LYST: variants seen among roughly 807,000 people sequenced by gnomAD.
LYST encodes lysosomal trafficking regulator, also known as lysosomal-trafficking regulator.
In LYST, 192 loss-of-function variants were observed where a neutral mutation model predicts 413.6. That is an observed-to-expected ratio of 0.46 (90% CI 0.41 to 0.52). The LOEUF (loss-of-function observed/expected upper bound fraction) is 0.52. Among genes scored for constraint, LYST ranks in the 20% least tolerant of loss-of-function variants. LYST has a pLI of 0.00. For missense variants in LYST, 3,815 were observed against 4,499.9 expected (o/e 0.85, Z 4.35); for synonymous variants, 1,525 against 1,567.3 (o/e 0.97, Z 0.64).
chr1:235,801,847 T>C (rs1672264156), intron 8 of LYST, among the ~76,000 whole-genome samples: 1 of 152,114 alleles, frequency 6.6e-6, no homozygotes, highest in Non-Finnish European at 1.5e-5. Flanking sequence ...TCCCATTCAC[T>C]AGATGAGAGC....
chr1:235,758,927 AT>A, intron 23 of LYST, 44 bp downstream of exon 23: 1 of 1,591,776 alleles, frequency 6.3e-7, no homozygotes, highest in Non-Finnish European at 8.6e-7. Context: ...TCTTTAAAGA[AT>A]AGTAAAATAA....
chr1:235,875,469 T>A (rs1485598207), intron 1 of LYST, among the ~76,000 whole-genome samples: 9 of 152,198 alleles, frequency 5.9e-5, no homozygotes, highest in Admixed American at 5.9e-4. Context: ...AACACAATAT[T>A]CTGACTCTCC....
intron 30 of LYST, among the ~76,000 whole-genome samples, chr1:235,743,542 A>G (rs149211580): frequency 4.0e-4 from 61 of 152,304 alleles, no homozygotes; most frequent in African/African-American, 1.4e-3. Context: ...ATGAACCCTG[A>G]CACTTATCAG....
Position 235,702,777 on chromosome 1 carries a change from G to A in LYST, c.10344C>T (p.Thr3448=). The change falls in exon 45 of 53, where the codon ACC becomes ACT. Residue 3448 remains threonine, a synonymous_variant. Coordinates refer to ENST00000389793, the MANE Select transcript of LYST (RefSeq NM_000081.4). The part of the protein sequence containing the change: ...GLLVQFAFRE[T]REQVKEITYP... ...AGGTGATTTCTTTGACCTGTTCTCGGGTCTCCCTGAAAGCAAACTGCACTA... is the reference window on the plus strand; with the variant it reads ...AGGTGATTTCTTTGACCTGTTCTCGAGTCTCCCTGAAAGCAAACTGCACTA... 1 of 1,614,050 alleles carries A rather than the reference G, an allele frequency of 6.2e-7. No individual in the cohort carries two copies.
chr1:235,783,211 A>G (rs148524904), intron 14 of LYST, among the ~76,000 whole-genome samples: 8 of 152,314 alleles, frequency 5.3e-5, no homozygotes, highest in African/African-American at 1.9e-4. Context: ...GTGTATATTT[A>G]TTTTAAAAGT....
At chr1:235,757,815 T>C (rs1572166777) in intron 23 of LYST, among the ~76,000 whole-genome samples, 1 of 152,080 alleles carries the variant, frequency 6.6e-6, no homozygotes, top group Admixed American at 6.6e-5. Flanking sequence ...TTAGACAGCA[T>C]GAATAAAACA....
At chr1:235,852,441 G>C (rs1023322968) in intron 1 of LYST, among the ~76,000 whole-genome samples, 5 of 152,210 alleles carry the variant, frequency 3.3e-5, no homozygotes, top group African/African-American at 1.2e-4. Context: ...AAGCCAGTTA[G>C]ACATGTTGAG....
chr1:235,821,382 G>C (rs1192029798), intron 3 of LYST, among the ~76,000 whole-genome samples: 1 of 152,140 alleles, frequency 6.6e-6, no homozygotes, highest in Non-Finnish European at 1.5e-5. Flanking sequence ...GGTTGCAGAG[G>C]GCTGAGATTG....
chr1:235,816,443 A>C (rs1303044564), intron 3 of LYST, among the ~76,000 whole-genome samples: 2 of 141,288 alleles, frequency 1.4e-5, no homozygotes, highest in Non-Finnish European at 3.0e-5. Flanking sequence ...CCGTCAAAAA[A>C]AAAAATAAAT....
At chr1:235,801,421 C>G (rs183199092) in intron 8 of LYST, among the ~76,000 whole-genome samples, 183 of 151,544 alleles carry the variant, frequency 1.2e-3, no homozygotes, top group South Asian at 7.7e-3. Context: ...TCTGACCCCC[C>G]CCTCAAATAC....
Position 235,720,673 on chromosome 1 carries a change from A to G in LYST, c.9548T>C (p.Leu3183Pro), listed in dbSNP as rs755494134. ...TCTTTTAACTTACCTGTATATCAAC[A>G]GATCATTGAGGTCAAGTGTCTCACT... The part of the protein sequence containing the change: ...YVSETLDLND[L>P]LIYRNLSKPI... The change falls in exon 40 of 53, where the codon CTG (leucine) becomes CCG (proline). Residue 3183 changes from leucine (L) to proline (P), a missense_variant. By Grantham distance (98) the Leu-to-Pro change is moderately conservative (BLOSUM62 -3). Coordinates refer to ENST00000389793, the MANE Select transcript of LYST (RefSeq NM_000081.4). The G allele has an allele frequency of 2.5e-6, 4 of 1,613,730 alleles. No individual in the cohort carries two copies. Among genetic ancestry groups the G allele is most frequent in the Non-Finnish European group, 3.4e-6 (4 of 1,179,632 alleles).
chr1:235,716,568 A>G, intron 41 of LYST, 144 bp downstream of exon 41: 2 of 593,078 alleles, frequency 3.4e-6, no homozygotes, highest in Non-Finnish European at 6.1e-6. Context: ...ATTTCATTTC[A>G]CATAATGATT....
chr1:235,756,518 C>G (rs1268906883), intron 24 of LYST, among the ~76,000 whole-genome samples: 1 of 152,004 alleles, frequency 6.6e-6, no homozygotes, highest in Non-Finnish European at 1.5e-5. Context: ...ACATGAAATG[C>G]GAGCTCAATA....
intron 19 of LYST, among the ~76,000 whole-genome samples, chr1:235,772,462 A>T (rs1157660008): frequency 6.6e-6 from 1 of 151,940 alleles, no homozygotes; most frequent in Non-Finnish European, 1.5e-5. Context: ...TGCCACACTT[A>T]GAGCAAACAG....
intron 48 of LYST, among the ~76,000 whole-genome samples, chr1:235,685,969 G>A (rs1456756628): frequency 6.6e-6 from 1 of 152,054 alleles, no homozygotes; most frequent in East Asian, 1.9e-4. Flanking sequence ...AAATTATAAT[G>A]GAAAAAAATG....
At chr1:235,814,656 T>C (rs2102914035) in intron 3 of LYST, among the ~76,000 whole-genome samples, 1 of 152,212 alleles carries the variant, frequency 6.6e-6, no homozygotes, top group South Asian at 2.1e-4. Flanking sequence ...ACGGCTTTAA[T>C]GGAGTGATTT....
At chr1:235,731,632 C>T (rs1664390199) in intron 34 of LYST, among the ~76,000 whole-genome samples, 1 of 147,142 alleles carries the variant, frequency 6.8e-6, no homozygotes. Context: ...GATCTTGGCT[C>T]ACTGTAATTT....
At chr1:235,855,991 T>C (rs1679131842) in intron 1 of LYST, among the ~76,000 whole-genome samples, 1 of 152,114 alleles carries the variant, frequency 6.6e-6, no homozygotes, top group Non-Finnish European at 1.5e-5. Flanking sequence ...TACTGTTCTA[T>C]AACCATGTGT....
intron 19 of LYST, among the ~76,000 whole-genome samples, chr1:235,771,927 T>G (rs1269896155): frequency 8.9e-5 from 13 of 145,888 alleles, no homozygotes; most frequent in Admixed American, 5.5e-4. Flanking sequence ...GTTTTTTTTT[T>G]TTTTTTTTTT....
Sources: gnomAD v4.1 joint callset for allele counts (sites outside exome capture counted in the v4.1 genomes callset) on GRCh38, gnomAD v4.1.1 for gene constraint, MANE v1.5 for transcripts, NCBI Gene and HGNC (gene_info 2026-07-23, HGNC 2026-07-21) for gene names.